Variants in TRPM3 observed in about 807,000 individuals in gnomAD.
TRPM3 encodes the protein transient receptor potential cation channel subfamily M member 3.
A neutral mutation model predicts 181.2 loss-of-function variants in TRPM3; 77 were observed. That is an observed-to-expected ratio of 0.42 (90% confidence interval 0.35 to 0.51). The LOEUF is 0.51. Ranked by LOEUF, TRPM3 falls within the 20% of genes least tolerant of loss-of-function variation. The pLI is 0.01. For synonymous variants in TRPM3, 745 were observed against 796.4 expected (o/e 0.94, Z 1.09); for missense variants, 1,759 against 2,196.7 (o/e 0.80, Z 3.98).
rs891278417 is a variant in TRPM3 at position 70,529,980 on chromosome 9, T to G, written c.*5973A>C. ...ATCCGGCCCCTCCATGTGTTTGAAT[T>G]TGCAGCCTCTCAGTCTATGTGCAGA... is the stretch of plus-strand genomic sequence containing the variant. On this transcript the variant is annotated 3_prime_UTR_variant, in exon 26 of 26. Coordinates refer to ENST00000677713, the MANE Select transcript of TRPM3 (RefSeq NM_001366145.2). The G allele has an allele frequency of 6.6e-6, 1 of 152,242 alleles. No individual in the cohort carries two copies. Among genetic ancestry groups the G allele is most frequent in the Non-Finnish European group, 1.5e-5 (1 of 68,078 alleles). The allele number at this position is 152,242 out of a possible 1,614,324, so 9.4% of individuals were successfully genotyped here.
In TRPM3 at chr9:70,639,106, A is replaced by G; in HGVS notation, c.1535T>C (p.Met512Thr). The G allele has an allele frequency of 6.2e-7, 1 of 1,614,036 alleles. No individual in the cohort carries two copies. The highest frequency in any genetic ancestry group is 2.2e-5 in the East Asian group (1 of 44,878). Reference sequence around the variant, plus strand: ...TCTGGAGATGGTGAGAAAACGGTGCATGCTTACTCCATTCTCTATGAGTAA... The same window carrying G: ...TCTGGAGATGGTGAGAAAACGGTGCGTGCTTACTCCATTCTCTATGAGTAA... ...VKLLIENGVS[M>T]HRFLTISRLE... is the part of the protein sequence containing the mutation. Residue 512 changes from methionine (M) to threonine (T), a missense_variant, in exon 11 of 26, where the codon ATG becomes ACG. Coordinates refer to ENST00000677713, the MANE Select transcript of TRPM3 (RefSeq NM_001366145.2).
intron 1 of TRPM3, among the ~76,000 whole-genome samples, chr9:71,002,539 C>T (rs897651918): frequency 6.6e-6 from 1 of 152,092 alleles, no homozygotes; most frequent in African/African-American, 2.4e-5. Context: ...TCATTTTTAT[C>T]CTTTGACTCT....
chr9:70,617,239 A>C (rs2309745), intron 17 of TRPM3, among the ~76,000 whole-genome samples: 150,565 of 152,314 alleles, frequency 0.99, 74,434 homozygotes, highest in East Asian at 1. Context: ...GAGAGCCAGC[A>C]TGACTCCCTT....
intron 1 of TRPM3, among the ~76,000 whole-genome samples, chr9:71,370,184 A>G (rs2092465473): frequency 3.9e-5 from 6 of 152,190 alleles, no homozygotes; most frequent in Admixed American, 3.9e-4. Context: ...AGACAAAACA[A>G]TATTGAAATT....
chr9:71,348,913 T>A (rs1047458955), intron 1 of TRPM3, among the ~76,000 whole-genome samples: 1 of 152,200 alleles, frequency 6.6e-6, no homozygotes, highest in African/African-American at 2.4e-5. Flanking sequence ...AAGTTAGTTA[T>A]TCCTAGAATG....
chr9:70,574,209 C>T (rs574436529), intron 22 of TRPM3, among the ~76,000 whole-genome samples: 57 of 152,278 alleles, frequency 3.7e-4, no homozygotes, highest in South Asian at 6.2e-4. Flanking sequence ...ATTAGGAGAA[C>T]ATTCAAATCC....
intron 1 of TRPM3, among the ~76,000 whole-genome samples, chr9:70,895,092 T>G (rs1419277114): frequency 5.9e-5 from 9 of 152,192 alleles, no homozygotes; most frequent in Non-Finnish European, 1.3e-4. Flanking sequence ...GAAGGCACTT[T>G]GCAAAATGCA....
chr9:70,998,184 CAT>C (rs964962395), intron 1 of TRPM3, among the ~76,000 whole-genome samples: 1 of 143,296 alleles, frequency 7.0e-6, no homozygotes, highest in Non-Finnish European at 1.5e-5. Flanking sequence ...CATATATATA[CAT>C]ATATACACAT....
chr9:70,670,680 T>C (rs1012533598), intron 9 of TRPM3, among the ~76,000 whole-genome samples: 5 of 152,184 alleles, frequency 3.3e-5, no homozygotes, highest in African/African-American at 9.7e-5. Flanking sequence ...ATTTTGAATA[T>C]GGGGGATATC....
At chr9:71,161,344 G>C (rs958160095) in intron 1 of TRPM3, among the ~76,000 whole-genome samples, 2 of 152,076 alleles carry the variant, frequency 1.3e-5, no homozygotes, top group African/African-American at 2.4e-5. Flanking sequence ...GACCCTAGAA[G>C]GTCAATGAAA....
chr9:71,047,085 T>A (rs930362947), intron 1 of TRPM3, among the ~76,000 whole-genome samples: 1 of 152,144 alleles, frequency 6.6e-6, no homozygotes, highest in Non-Finnish European at 1.5e-5. Context: ...TTCCTCCAGA[T>A]CATAAGGGAA....
At chr9:71,294,931 T>A (rs1456319537) in intron 1 of TRPM3, among the ~76,000 whole-genome samples, 1 of 152,104 alleles carries the variant, frequency 6.6e-6, no homozygotes, top group East Asian at 1.9e-4. Flanking sequence ...AAAACTTACA[T>A]TATTTAGGGA....
At chr9:71,424,616 T>A (rs1333438085) in intron 1 of TRPM3, among the ~76,000 whole-genome samples, 1 of 152,156 alleles carries the variant, frequency 6.6e-6, no homozygotes. Context: ...TGTGTATAAT[T>A]TTATTTTATA....
At chr9:71,242,141 C>G (rs2081738326) in intron 1 of TRPM3, among the ~76,000 whole-genome samples, 1 of 152,198 alleles carries the variant, frequency 6.6e-6, no homozygotes, top group Non-Finnish European at 1.5e-5. Flanking sequence ...TAGCCATAAG[C>G]TTCCATTGTT....
At chr9:71,293,065 TA>T (rs2085953869) in intron 1 of TRPM3, among the ~76,000 whole-genome samples, 1 of 151,938 alleles carries the variant, frequency 6.6e-6, no homozygotes, top group African/African-American at 2.4e-5. Flanking sequence ...CATCTCAATA[TA>T]TTTGGTAAAA....
intron 1 of TRPM3, among the ~76,000 whole-genome samples, chr9:71,001,640 G>C (rs1425548972): frequency 6.6e-6 from 1 of 152,172 alleles, no homozygotes; most frequent in Non-Finnish European, 1.5e-5. Context: ...TAAAAACATT[G>C]AGTCCCTAGC....
rs145772677 is a variant in TRPM3, at chr9:70,645,617, C to T, written c.1346-4957G>A. Among the ~76,000 whole-genome samples the T allele has an allele frequency of 5.9e-5, 9 of 152,138 alleles. No individual in the cohort carries two copies. The East Asian group carries it at 1.7e-3, about 29-fold the overall frequency. On this transcript the variant is annotated intron_variant, in intron 9 of 25. Transcript: ENST00000677713. ...AAACCATAAAAACCCTAGAAGAAAA[C>T]CTAGGCAATACCATCCAGGACACAG...
Position 70,537,183 on chromosome 9 carries a change from C to T in TRPM3, c.3930G>A (p.Gln1310=). The change falls in exon 26 of 26, where the codon CAG becomes CAA. Residue 1310 remains glutamine (Q), a synonymous_variant. Coordinates refer to ENST00000677713, the MANE Select transcript of TRPM3 (RefSeq NM_001366145.2). The part of the protein sequence containing the change: ...DCTDAAYIVR[Q]SSFNSQEGNT... ...TCCCTTCCTGGCTGTTGAAGCTGCT[C>T]TGACGGACAATGTAGGCGGCGTCCG... 1 of 1,592,874 alleles carries T rather than the reference C, an allele frequency of 6.3e-7. No homozygotes were observed. Among genetic ancestry groups the T allele is most frequent in the Non-Finnish European group, 8.6e-7 (1 of 1,164,986 alleles).
intron 8 of TRPM3, among the ~76,000 whole-genome samples, chr9:70,686,698 C>CTTCCTTCCTTCT (rs1563994743): frequency 3.4e-4 from 27 of 80,366 alleles, no homozygotes; most frequent in African/African-American, 1.2e-3. Context: ...TCCTTCCTTC[C>CTTCCTTCCTTCT]TTCCTTCCTT....
Sources: gnomAD v4.1 joint callset for allele counts (sites outside exome capture counted in the v4.1 genomes callset) on GRCh38, gnomAD v4.1.1 for gene constraint, MANE v1.5 for transcripts, NCBI Gene and HGNC (gene_info 2026-07-23, HGNC 2026-07-21) for gene names.